The following CMIP variants were observed in gnomAD, a reference collection of about 807,000 sequenced individuals.
CMIP encodes the protein c-Maf inducing protein.
In CMIP, 13 loss-of-function variants were observed where a neutral mutation model predicts 97.3. The observed-to-expected ratio is 0.13, with a 90% CI of 0.09 to 0.21. The LOEUF (loss-of-function observed/expected upper bound fraction) is 0.21, where lower values mean the gene tolerates loss of function less well. Ranked by LOEUF, CMIP falls within the 10% of genes least tolerant of loss-of-function variation. The pLI is 1.00. For missense variants in CMIP, 847 were observed against 1,024.9 expected, an observed-to-expected ratio of 0.83 and a Z score of 2.37; for synonymous variants, 538 against 436.3, an observed-to-expected ratio of 1.23 and a Z score of -2.91.
chr16:81,508,964 T>A (rs886258968), intron 1 of CMIP, among the ~76,000 whole-genome samples: 6 of 152,090 alleles, frequency 3.9e-5, no homozygotes, highest in African/African-American at 9.7e-5. Flanking sequence ...CAGCGTGGAG[T>A]CTCCCCTACT....
rs193205948 is a variant in CMIP, at chr16:81,649,307, G to T, written c.478-2896G>T. Reference sequence around the variant, plus strand: ...TCCCGGGAAAGCTGTTGTCCTCCCCGCTCCAAGGAGGGGAGCTGTGGATGA... The same window carrying T: ...TCCCGGGAAAGCTGTTGTCCTCCCCTCTCCAAGGAGGGGAGCTGTGGATGA... On this transcript the variant is annotated intron_variant, in intron 3 of 20. Transcript: ENST00000537098. 7.8e-4 allele frequency among the ~76,000 whole-genome samples: 119 copies of T among 152,346 alleles called. 1 individual carries two copies. The highest frequency in any genetic ancestry group is 2.6e-3 in the African/African-American group (107 of 41,594).
intron 3 of CMIP, among the ~76,000 whole-genome samples, chr16:81,629,760 A>G (rs1345508965): frequency 6.6e-6 from 1 of 152,210 alleles, no homozygotes; most frequent in Non-Finnish European, 1.5e-5. Flanking sequence ...ACAGCGCCCA[A>G]GGGAGGCTTC....
chr16:81,473,599 A>G lies in CMIP; in HGVS notation c.300+28058A>G, dbSNP rs79328044. 2.1e-3 allele frequency among the ~76,000 whole-genome samples: 317 copies of G among 150,536 alleles called. 1 individual carries two copies. The highest frequency in any genetic ancestry group is 7.7e-3 in the African/African-American group (311 of 40,580). ...GGGAGTTGGGCGGGGGTTGACTTAA[A>G]TATTTATTTCCCATTAAGGGATTCA... On this transcript the variant is annotated intron_variant, in intron 1 of 20. Coordinates refer to ENST00000537098, the MANE Select transcript of CMIP (RefSeq NM_198390.3).
chr16:81,650,742 A>G (rs1288463208), intron 3 of CMIP, among the ~76,000 whole-genome samples: 3 of 152,170 alleles, frequency 2.0e-5, no homozygotes, highest in African/African-American at 4.8e-5. Flanking sequence ...CATAGAGTGG[A>G]CCACATGGGT....
intron 1 of CMIP, among the ~76,000 whole-genome samples, chr16:81,448,003 C>T (rs1051373137): frequency 1.3e-5 from 2 of 152,234 alleles, no homozygotes; most frequent in African/African-American, 4.8e-5. Flanking sequence ...TTTTATAGTG[C>T]GGCCCAAGCA....
At chr16:81,680,738 G>A (rs569428600) in intron 10 of CMIP, among the ~76,000 whole-genome samples, 11 of 152,318 alleles carry the variant, frequency 7.2e-5, no homozygotes, top group South Asian at 2.1e-4. Context: ...GGGTTAGGGC[G>A]CCTCCCTGGA....
At chr16:81,490,495 C>T (rs1439036136) in intron 1 of CMIP, among the ~76,000 whole-genome samples, 1 of 152,156 alleles carries the variant, frequency 6.6e-6, no homozygotes, top group Non-Finnish European at 1.5e-5. Flanking sequence ...CGGTGTGTGC[C>T]TGGAATCCCA....
chr16:81,607,921 C>T (rs1007424685), intron 2 of CMIP, among the ~76,000 whole-genome samples: 5 of 152,212 alleles, frequency 3.3e-5, no homozygotes, highest in African/African-American at 1.2e-4. Context: ...AGTCTAGGAA[C>T]TTTTCAGGTT....
At chr16:81,705,403 C>A in intron 18 of CMIP, 96 bp from the exon 19 acceptor site, 1 of 889,184 alleles carries the variant, frequency 1.1e-6, no homozygotes, top group South Asian at 1.6e-5. Context: ...CAGAGCCAGG[C>A]TCTGTCCCCA....
chr16:81,624,954 C>T (rs1459424336), intron 3 of CMIP, among the ~76,000 whole-genome samples: 5 of 152,146 alleles, frequency 3.3e-5, no homozygotes, highest in Admixed American at 2.6e-4. Context: ...GGAGTTTGCT[C>T]GGCAATGGAC....
chr16:81,511,079 T>C (rs2089801611), intron 1 of CMIP, among the ~76,000 whole-genome samples: 1 of 152,170 alleles, frequency 6.6e-6, no homozygotes, highest in African/African-American at 2.4e-5. Context: ...TGAACCCCCA[T>C]GTACTCATCA....
chr16:81,592,476 C>A (rs957082732), intron 1 of CMIP, among the ~76,000 whole-genome samples: 2 of 152,200 alleles, frequency 1.3e-5, no homozygotes, highest in Non-Finnish European at 1.5e-5. Flanking sequence ...GGGTGCCCCT[C>A]CCTCCTGTCC....
chr16:81,645,769 T>G (rs1277333138), intron 3 of CMIP: 1 of 686,470 alleles, frequency 1.5e-6, no homozygotes, highest in Non-Finnish European at 2.5e-6. Flanking sequence ...GGACTACTCC[T>G]TTACAGAACT....
At chr16:81,505,481 C>T (rs748535665) in intron 1 of CMIP, among the ~76,000 whole-genome samples, 20 of 152,224 alleles carry the variant, frequency 1.3e-4, no homozygotes, top group Non-Finnish European at 2.9e-4. Flanking sequence ...GCCCCAGAGC[C>T]TCAGCTGGGA....
chr16:81,640,770 G>GTGTGTGTGTGTGTGTGTGTGTGTC (rs376370488), intron 3 of CMIP, among the ~76,000 whole-genome samples: 30 of 135,720 alleles, frequency 2.2e-4, no homozygotes, highest in Non-Finnish European at 3.5e-4. Flanking sequence ...GTGTGTGTGT[G>GTGTGTGTGTGTGTGTGTGTGTGTC]TCTCTCTCTC....
chr16:81,709,486 C>G (rs1024215064), intron 20 of CMIP, among the ~76,000 whole-genome samples: 1 of 152,182 alleles, frequency 6.6e-6, no homozygotes, highest in African/African-American at 2.4e-5. Context: ...CTTCCACCTG[C>G]GAAGACAGAG....
rs2090516817 is a variant in CMIP, at chr16:81,544,902, T to G, written c.301-62665T>G. 2.0e-5 allele frequency among the ~76,000 whole-genome samples: 3 copies of G among 152,288 alleles called. No homozygotes were observed. The South Asian group carries it at 6.2e-4, about 32-fold the overall frequency. ...TTATGAGTGGTACTTAAAACCCTTC[T>G]GTTGTCCACAGGACAAAGTTCAACC... On this transcript the variant is annotated intron_variant, in intron 1 of 20. Transcript: ENST00000537098.
Position 81,445,363 on chromosome 16 carries a change from G to A in CMIP, c.122G>A (p.Arg41His). Residue 41 changes from arginine (R) to histidine (H), a missense_variant, in exon 1 of 21, where the codon CGC becomes CAC. Physicochemically the swap from Arg to His is conservative, Grantham distance 29. Around this residue, in one of 4 missense-constraint regions of CMIP, gnomAD observed 94 missense variants for 79.9 expected, o/e 1.18. Transcript: ENST00000537098. ...ACGAAGATGGGCGCCGTGCCCTGCC[G>A]CCGGGCTCTTCTGCTTTGCAACGGG... is the stretch of plus-strand genomic sequence containing the variant. ...EGTKMGAVPCRRALLLCNGMR... is the reference protein window; with the variant it reads ...EGTKMGAVPCHRALLLCNGMR... 2 of 1,603,498 alleles carry A rather than the reference G, an allele frequency of 1.2e-6. No individual in the cohort carries two copies. The highest frequency in any genetic ancestry group is 1.7e-6 in the Non-Finnish European group (2 of 1,175,494).
chr16:81,684,768 C>G (rs1298411109), intron 10 of CMIP, among the ~76,000 whole-genome samples: 1 of 152,256 alleles, frequency 6.6e-6, no homozygotes, highest in Admixed American at 6.5e-5. Context: ...GCATCAGGCA[C>G]CTGCCTGCTT....
Sources: allele counts gnomAD v4.1 joint callset (sites outside exome capture counted in the v4.1 genomes callset), GRCh38; gene constraint gnomAD v4.1.1; regional missense constraint gnomAD v4.1.1; transcripts MANE v1.5; gene names NCBI Gene and HGNC (gene_info 2026-07-23, HGNC 2026-07-21).